Variants in ST18 observed in about 807,000 individuals in gnomAD.
ST18 encodes ST18 C2H2C-type zinc finger transcription factor, also known as suppression of tumorigenicity 18 protein.
Under a neutral mutation model 110.0 loss-of-function variants are expected in ST18, and 50 were observed. The ratio of observed to expected loss-of-function variants is 0.45; its 90% confidence interval spans 0.36 to 0.58. The LOEUF is 0.58. ST18 is among the 20% of genes least tolerant of loss of function. The pLI, the probability that ST18 is intolerant of heterozygous loss-of-function variation, is 0.00. For missense variants in ST18, 1,306 were observed against 1,280.1 expected, an observed-to-expected ratio of 1.02 and a Z score of -0.31; for synonymous variants, 461 against 452.4, an observed-to-expected ratio of 1.02 and a Z score of -0.24.
chr8:52,130,776 T>G (rs2049263453), intron 22 of ST18, among the ~76,000 whole-genome samples: 1 of 152,234 alleles, frequency 6.6e-6, no homozygotes, highest in Non-Finnish European at 1.5e-5. Flanking sequence ...AAAGATAACT[T>G]CATTATTGCT....
intron 2 of ST18, among the ~76,000 whole-genome samples, chr8:52,347,512 TA>T (rs1818307957): frequency 6.6e-6 from 1 of 152,182 alleles, no homozygotes; most frequent in African/African-American, 2.4e-5. Context: ...AATATTTATA[TA>T]TCAAACATTG....
chr8:52,239,416 C>A (rs925121112), intron 2 of ST18, among the ~76,000 whole-genome samples: 4 of 152,060 alleles, frequency 2.6e-5, no homozygotes, highest in African/African-American at 4.8e-5. Flanking sequence ...CAGTAAGGTG[C>A]CTGCATGCTG....
chr8:52,285,570 A>G (rs1333351768), intron 2 of ST18, among the ~76,000 whole-genome samples: 1 of 152,182 alleles, frequency 6.6e-6, no homozygotes, highest in Admixed American at 6.5e-5. Flanking sequence ...AGTCCAAGAA[A>G]AAGGTGGCTG....
Position 52,175,364 on chromosome 8 carries a change from A to G in ST18, c.278-2781T>C, listed in dbSNP as rs531954339. Among the ~76,000 whole-genome samples, 26 of 152,298 alleles carry G rather than the reference A, an allele frequency of 1.7e-4. 1 individual carries two copies. The South Asian group carries it at 5.4e-3, about 32-fold the overall frequency. On this transcript the variant is annotated intron_variant, in intron 9 of 25. Coordinates refer to ENST00000689386, the MANE Select transcript of ST18 (RefSeq NM_001352837.2). ...GACCCCCAAGGACGGGCAGGGTCCC[A>G]CTATTGAGAAGGCTCAACTCAGTTC...
At chr8:52,303,681 C>T (rs2095766758) in intron 2 of ST18, among the ~76,000 whole-genome samples, 1 of 152,170 alleles carries the variant, frequency 6.6e-6, no homozygotes, top group African/African-American at 2.4e-5. Context: ...ACAATGCAAA[C>T]ATGAAGAAAC....
chr8:52,365,008 G>T, intron 2 of ST18, among the ~76,000 whole-genome samples: 1 of 152,014 alleles, frequency 6.6e-6, no homozygotes, highest in South Asian at 2.1e-4. Context: ...CAGCTACTTG[G>T]GAGGCAGAGG....
intron 2 of ST18, among the ~76,000 whole-genome samples, chr8:52,232,630 G>C (rs916360487): frequency 2.6e-5 from 4 of 152,022 alleles, no homozygotes; most frequent in African/African-American, 9.7e-5. Context: ...TTGGAGGATG[G>C]AAACATTTTA....
chr8:52,247,009 C>A (rs1397981196), intron 2 of ST18, among the ~76,000 whole-genome samples: 1 of 152,154 alleles, frequency 6.6e-6, no homozygotes, highest in African/African-American at 2.4e-5. Flanking sequence ...TCTCTTGTCA[C>A]TTTGTCACTC....
chr8:52,259,047 C>T (rs1037703327), intron 2 of ST18, among the ~76,000 whole-genome samples: 1 of 152,180 alleles, frequency 6.6e-6, no homozygotes, highest in South Asian at 2.1e-4. Flanking sequence ...CCTCTAAAAC[C>T]TGCTGAGACA....
intron 2 of ST18, among the ~76,000 whole-genome samples, chr8:52,282,797 G>T (rs1040373148): frequency 6.6e-6 from 1 of 152,154 alleles, no homozygotes; most frequent in Non-Finnish European, 1.5e-5. Context: ...AACAGCAAGG[G>T]AAGAGGCCCC....
intron 2 of ST18, among the ~76,000 whole-genome samples, chr8:52,262,775 T>C (rs1440238834): frequency 6.6e-6 from 1 of 152,254 alleles, no homozygotes; most frequent in Non-Finnish European, 1.5e-5. Flanking sequence ...CCTTTGCAGC[T>C]GCCTTACCTC....
At chr8:52,396,838 T>C (rs114220406) in intron 2 of ST18, among the ~76,000 whole-genome samples, 1,599 of 152,276 alleles carry the variant, frequency 0.011, 25 homozygotes, top group African/African-American at 0.03. Context: ...CCAGACCATA[T>C]CAACTGGTAA....
chr8:52,162,964 A>G (rs1267452390), intron 13 of ST18, among the ~76,000 whole-genome samples: 1 of 152,188 alleles, frequency 6.6e-6, no homozygotes, highest in Non-Finnish European at 1.5e-5. Flanking sequence ...TGCCTTTATA[A>G]CTTGGTTTAG....
intron 2 of ST18, among the ~76,000 whole-genome samples, chr8:52,318,734 G>C (rs2096071930): frequency 6.6e-6 from 1 of 152,082 alleles, no homozygotes; most frequent in Non-Finnish European, 1.5e-5. Context: ...TATACACCAT[G>C]GAATACTATG....
intron 2 of ST18, among the ~76,000 whole-genome samples, chr8:52,283,637 C>A (rs917320263): frequency 3.3e-5 from 5 of 152,114 alleles, no homozygotes; most frequent in African/African-American, 1.2e-4. Context: ...AGACTGAGAT[C>A]GAGACTCAGC....
chr8:52,132,992 C>T, intron 21 of ST18, 65 bp downstream of exon 21: 4 of 1,573,342 alleles, frequency 2.5e-6, no homozygotes, highest in Non-Finnish European at 2.6e-6. Flanking sequence ...TGCATCCCAA[C>T]CAAGTTCCCT....
chr8:52,294,972 T>G (rs2095609721), intron 2 of ST18, among the ~76,000 whole-genome samples: 1 of 152,218 alleles, frequency 6.6e-6, no homozygotes, highest in Non-Finnish European at 1.5e-5. Flanking sequence ...AATATATGCT[T>G]ACATGCTTGC....
chr8:52,362,549 T>C (rs574168520), intron 2 of ST18, among the ~76,000 whole-genome samples: 7 of 152,292 alleles, frequency 4.6e-5, no homozygotes, highest in African/African-American at 1.7e-4. Flanking sequence ...GGGGAATAAA[T>C]GAGCTAATTA....
At chr8:52,330,482 G>A (rs944616031) in intron 2 of ST18, among the ~76,000 whole-genome samples, 1 of 152,254 alleles carries the variant, frequency 6.6e-6, no homozygotes, top group Non-Finnish European at 1.5e-5. Context: ...TTTTCAAAGA[G>A]TAGCTAATCT....
Sources: allele counts gnomAD v4.1 joint callset (sites outside exome capture counted in the v4.1 genomes callset), GRCh38; gene constraint gnomAD v4.1.1; transcripts MANE v1.5; gene names NCBI Gene and HGNC (gene_info 2026-07-23, HGNC 2026-07-21).